C12orf42: variants seen among roughly 807,000 people sequenced by gnomAD.
C12orf42 encodes the protein chromosome 12 open reading frame 42, also known as uncharacterized protein C12orf42.
A neutral mutation model predicts 21.6 loss-of-function variants in C12orf42; 25 were observed. The ratio of observed to expected loss-of-function variants is 1.16; its 90% CI spans 0.84 to 1.62. The LOEUF (loss-of-function observed/expected upper bound fraction) is 1.62, where lower values mean the gene tolerates loss of function less well. C12orf42 is among the 40% of genes most tolerant of loss of function. The probability of loss-of-function intolerance (pLI) is 0.00; values close to 1 mark genes in which losing one functional copy is unlikely to be tolerated. For synonymous variants in C12orf42, 174 were observed against 175.0 expected, an observed-to-expected ratio of 0.99 and a Z score of 0.05; for missense variants, 483 against 459.3, an observed-to-expected ratio of 1.05 and a Z score of -0.47.
chr12:103,236,725 A>G (rs1422105660), downstream of C12orf42, among the ~76,000 whole-genome samples: 2 of 152,034 alleles, frequency 1.3e-5, no homozygotes, highest in Non-Finnish European at 2.9e-5. Flanking sequence ...TTAAAAAAAA[A>G]GTAAAGTGGT....
the C12orf42 span, among the ~76,000 whole-genome samples, chr12:103,222,512 T>C: frequency 6.6e-6 from 1 of 152,206 alleles, no homozygotes; most frequent in Non-Finnish European, 1.5e-5. Context: ...CATCTGGGCA[T>C]ACACGTGCAA....
intron 3 of C12orf42, among the ~76,000 whole-genome samples, chr12:103,389,338 T>C (rs915708846): frequency 6.6e-6 from 1 of 152,082 alleles, no homozygotes. Flanking sequence ...CATTAAAGAG[T>C]CAGATCCACA....
the C12orf42 span, among the ~76,000 whole-genome samples, chr12:103,195,022 C>G: frequency 3.3e-5 from 5 of 152,234 alleles, no homozygotes; most frequent in African/African-American, 1.2e-4. Flanking sequence ...GTGTTTAGCT[C>G]CCACTTATAA....
At chr12:103,519,981 A>G in the C12orf42 span, among the ~76,000 whole-genome samples, 10 of 152,344 alleles carry the variant, frequency 6.6e-5, no homozygotes, top group African/African-American at 2.2e-4. Flanking sequence ...CGAGATGGGC[A>G]CCACAGGGAG....
At chr12:103,364,268 T>C (rs748230450) in intron 4 of C12orf42, among the ~76,000 whole-genome samples, 9 of 152,144 alleles carry the variant, frequency 5.9e-5, no homozygotes, top group Middle Eastern at 3.4e-3. Flanking sequence ...ACGAAATCGA[T>C]AGAAATTTAA....
At chr12:103,169,742 A>C in the C12orf42 span, among the ~76,000 whole-genome samples, 4 of 151,800 alleles carry the variant, frequency 2.6e-5, no homozygotes, top group African/African-American at 9.7e-5. Flanking sequence ...AAAGATATAC[A>C]TATAAAAATT....
At chr12:103,277,297 C>T in intron 4 of C12orf42, 1 of 351,260 alleles carries the variant, frequency 2.8e-6, no homozygotes, top group South Asian at 2.3e-5. Flanking sequence ...TAATTTATAA[C>T]ACAAATAATA....
At chr12:103,147,741 G>A in the C12orf42 span, among the ~76,000 whole-genome samples, 1 of 150,438 alleles carries the variant, frequency 6.6e-6, no homozygotes, top group Non-Finnish European at 1.5e-5. Flanking sequence ...ATATGTCACC[G>A]TGTACAGGTC....
intron 2 of C12orf42, among the ~76,000 whole-genome samples, chr12:103,437,469 G>T (rs1354918458): frequency 6.6e-6 from 1 of 152,010 alleles, no homozygotes; most frequent in African/African-American, 2.4e-5. Flanking sequence ...TCCAGGAGCT[G>T]GTTTTTTGAA....
chr12:103,078,868 G>A, the C12orf42 span, among the ~76,000 whole-genome samples: 2 of 152,068 alleles, frequency 1.3e-5, no homozygotes, highest in Admixed American at 6.6e-5. Context: ...AAGGGACACC[G>A]ACATCCTATA....
At chr12:103,536,692 G>A in the C12orf42 span, among the ~76,000 whole-genome samples, 1 of 152,096 alleles carries the variant, frequency 6.6e-6, no homozygotes, top group Non-Finnish European at 1.5e-5. Context: ...CACTGCATTT[G>A]AGACAGAAGG....
the C12orf42 span, among the ~76,000 whole-genome samples, chr12:103,055,383 T>G: frequency 2.6e-5 from 4 of 151,930 alleles, no homozygotes; most frequent in Admixed American, 6.6e-5. Flanking sequence ...ATCCTTTTGA[T>G]GTCTGAAGGG....
the C12orf42 span, among the ~76,000 whole-genome samples, chr12:103,227,277 C>A: frequency 0.091 from 13,536 of 149,148 alleles, 651 homozygotes; most frequent in East Asian, 0.17. Flanking sequence ...GAGGTCGGGG[C>A]GTGGAAATAA....
At chr12:103,254,446 T>C (rs2034454706) in intron 10 of C12orf42, among the ~76,000 whole-genome samples, 1 of 152,194 alleles carries the variant, frequency 6.6e-6, no homozygotes, top group Non-Finnish European at 1.5e-5. Flanking sequence ...GGCATCACAT[T>C]ACCTCACTTC....
the C12orf42 span, among the ~76,000 whole-genome samples, chr12:103,122,201 C>A: frequency 6.6e-6 from 1 of 152,192 alleles, no homozygotes; most frequent in Non-Finnish European, 1.5e-5. Context: ...TTCCCCAACT[C>A]TTCTCTCTGC....
chr12:103,383,696 C>A (rs1254783758), intron 3 of C12orf42, among the ~76,000 whole-genome samples: 1 of 152,186 alleles, frequency 6.6e-6, no homozygotes, highest in Non-Finnish European at 1.5e-5. Context: ...CCATAGCCAA[C>A]ATAAATGACA....
At chr12:103,067,466 C>G in the C12orf42 span, among the ~76,000 whole-genome samples, 1 of 152,274 alleles carries the variant, frequency 6.6e-6, no homozygotes, top group South Asian at 2.1e-4. Flanking sequence ...GGTGACAATA[C>G]TTTGCAGAGC....
chr12:103,053,167 A>C, the C12orf42 span, among the ~76,000 whole-genome samples: 1 of 151,852 alleles, frequency 6.6e-6, no homozygotes, highest in Non-Finnish European at 1.5e-5. Flanking sequence ...TTTATATTTA[A>C]TTTTATTTTA....
the C12orf42 span, among the ~76,000 whole-genome samples, chr12:103,529,158 T>C: frequency 6.6e-6 from 1 of 152,146 alleles, no homozygotes; most frequent in African/African-American, 2.4e-5. Context: ...TAGGGGTGAA[T>C]CCTATCCACG....
Sources: allele counts gnomAD v4.1 joint callset (sites outside exome capture counted in the v4.1 genomes callset), GRCh38; gene constraint gnomAD v4.1.1; transcripts MANE v1.5; gene names NCBI Gene and HGNC (gene_info 2026-07-23, HGNC 2026-07-21).